DSG4: variants seen among roughly 807,000 people sequenced by gnomAD.
The protein encoded by DSG4 is desmoglein-4.
In DSG4, 87 loss-of-function variants were observed where a neutral mutation model predicts 93.1. The ratio of observed to expected loss-of-function variants is 0.93; its 90% confidence interval spans 0.79 to 1.12. DSG4 has a LOEUF of 1.12. Among genes scored for constraint, DSG4 ranks in the 50% most tolerant of loss-of-function variants. DSG4 has a pLI of 0.00. For synonymous variants in DSG4, 432 were observed against 452.9 expected (o/e 0.95, Z 0.59); for missense variants, 1,373 against 1,285.7 (o/e 1.07, Z -1.04).
At chr18:31,397,006 C>A (rs1301120829) in intron 8 of DSG4, among the ~76,000 whole-genome samples, 1 of 152,136 alleles carries the variant, frequency 6.6e-6, no homozygotes, top group Non-Finnish European at 1.5e-5. Flanking sequence ...TTTCCCCAGT[C>A]CCCTGCTGTT....
chr18:31,400,513 A>G (rs575028319), intron 9 of DSG4, among the ~76,000 whole-genome samples: 84 of 152,256 alleles, frequency 5.5e-4, no homozygotes, highest in Admixed American at 1.7e-3. Context: ...AAAAGCCACA[A>G]AAAAAATCCT....
intron 12 of DSG4, 79 bp from the exon 13 acceptor site, chr18:31,409,373 G>A: frequency 6.2e-7 from 1 of 1,603,570 alleles, no homozygotes; most frequent in East Asian, 2.2e-5. Context: ...GCCACCAAAT[G>A]CTCCCCAGAA....
chr18:31,377,693 T>G (rs1299153302), intron 1 of DSG4, among the ~76,000 whole-genome samples: 1 of 152,180 alleles, frequency 6.6e-6, no homozygotes, highest in Non-Finnish European at 1.5e-5. Context: ...TAGAAAGAGA[T>G]AATTCCAACT....
At chr18:31,396,401 T>C (rs905381204) in intron 8 of DSG4, among the ~76,000 whole-genome samples, 40 of 142,326 alleles carry the variant, frequency 2.8e-4, no homozygotes, top group Non-Finnish European at 1.2e-4. Flanking sequence ...TCTCACTCTG[T>C]CACTCAGGCT....
chr18:31,406,419 G>T, intron 12 of DSG4, 46 bp downstream of exon 12: 1 of 1,611,550 alleles, frequency 6.2e-7, no homozygotes, highest in South Asian at 1.1e-5. Context: ...CTTCAAAATA[G>T]GGCTGTTACG....
rs573012888 is a variant in DSG4 at position 31,397,957 on chromosome 18, G to A, written c.1006-1315G>A. 9.6e-4 allele frequency among the ~76,000 whole-genome samples: 145 copies of A among 150,470 alleles called. 1 individual carries two copies. The highest frequency in any genetic ancestry group is 3.3e-3 in the African/African-American group (135 of 40,816). On this transcript the variant is annotated intron_variant, in intron 8 of 15. Transcript: ENST00000308128. Reference sequence around the variant, plus strand: ...CAGGAGAATTGCTTGAATCCAGGAGGCAGAGGTTGCAATGAGCTGAGATTG... The same window carrying A: ...CAGGAGAATTGCTTGAATCCAGGAGACAGAGGTTGCAATGAGCTGAGATTG...
intron 1 of DSG4, among the ~76,000 whole-genome samples, chr18:31,384,582 A>G (rs1474029004): frequency 6.6e-6 from 1 of 152,218 alleles, no homozygotes; most frequent in Non-Finnish European, 1.5e-5. Flanking sequence ...CAACTGACAA[A>G]GAACTTATTC....
intron 12 of DSG4, among the ~76,000 whole-genome samples, chr18:31,408,221 C>A (rs898112319): frequency 6.6e-6 from 1 of 152,116 alleles, no homozygotes; most frequent in African/African-American, 2.4e-5. Flanking sequence ...GATGTTAGCT[C>A]CAAATGAGAT....
chr18:31,389,846 G>C (rs148511161), intron 5 of DSG4, among the ~76,000 whole-genome samples: 8 of 152,198 alleles, frequency 5.3e-5, no homozygotes, highest in African/African-American at 1.4e-4. Context: ...CTCCCATAGA[G>C]AGGCAAAGAG....
Position 31,399,334 on chromosome 18 carries a change from T to C in DSG4, c.1068T>C (p.Asp356=). 6.2e-7 allele frequency: 1 copy of C among 1,614,052 alleles called. No individual in the cohort carries two copies. The highest frequency in any genetic ancestry group is 1.1e-5 in the South Asian group (1 of 91,088). The change falls in exon 9 of 16, where the codon GAT becomes GAC. Residue 356 remains aspartate (D), a synonymous_variant. Coordinates refer to ENST00000308128, the MANE Select transcript of DSG4 (RefSeq NM_177986.5). ...GTATCGGAGTTAAAAACCAAGCTGA[T>C]TTTCACTACTCCGTTGCTTCTCAAT... is the stretch of plus-strand genomic sequence containing the variant. ...QLSIGVKNQA[D]FHYSVASQFQ...
intron 12 of DSG4, among the ~76,000 whole-genome samples, chr18:31,406,606 C>T (rs2072430470): frequency 6.6e-6 from 1 of 152,046 alleles, no homozygotes; most frequent in African/African-American, 2.4e-5. Context: ...ATGCAAATCA[C>T]TACATATACT....
Position 31,409,505 on chromosome 18 carries a change from C to A in DSG4, c.1987C>A (p.Leu663Met). ...CTGCAAACAGAGACAGCCAGAAGGC[C>A]TGGGAACAAGATTTGCTCCTGTGCC... is the stretch of plus-strand genomic sequence containing the variant. ...CCCKQRQPEG[L>M]GTRFAPVPEG... Residue 663 changes from leucine (L) to methionine (M), a missense_variant, in exon 13 of 16, where the codon CTG (leucine) becomes ATG (methionine). Leu to Met is a conservative substitution (Grantham distance 15, BLOSUM62 2). Coordinates refer to ENST00000308128, the MANE Select transcript of DSG4 (RefSeq NM_177986.5). The A allele has an allele frequency of 1.9e-6, 3 of 1,614,170 alleles. No homozygotes were observed. Among genetic ancestry groups the A allele is most frequent in the South Asian group, 1.1e-5 (1 of 91,082 alleles).
chr18:31,386,857 A>G (rs918064884), intron 3 of DSG4, 38 bp downstream of exon 3: 12 of 1,611,492 alleles, frequency 7.4e-6, no homozygotes, highest in Non-Finnish European at 1.0e-5. Flanking sequence ...ATGCTTTTGC[A>G]GAGCAGGGAA....
intron 8 of DSG4, among the ~76,000 whole-genome samples, chr18:31,393,549 C>T (rs775315706): frequency 9.2e-5 from 14 of 152,208 alleles, no homozygotes; most frequent in Middle Eastern, 6.8e-3. Context: ...CCAGATCTCG[C>T]AAAAACTCAT....
rs975591152 is a variant in DSG4 at position 31,413,868 on chromosome 18, A to G, written c.*273A>G. On this transcript the variant is annotated 3_prime_UTR_variant, in exon 16 of 16. Transcript: ENST00000308128. ...CTTGATACTGTCTAACGAATAGCAC[A>G]TAACTCATATTGTGAATCCTATGGG... 78 of 381,412 alleles carry G rather than the reference A, an allele frequency of 2.0e-4. 1 individual carries two copies. The highest frequency in any genetic ancestry group is 1.1e-4 in the Admixed American group (3 of 26,446). The allele number at this position is 381,412 out of a possible 1,614,324, so 23.6% of individuals were successfully genotyped here.
intron 5 of DSG4, 107 bp downstream of exon 5, chr18:31,389,125 A>G: frequency 7.6e-7 from 1 of 1,313,862 alleles, no homozygotes. Context: ...AAAAAGCCAC[A>G]CTTGTATTTT....
chr18:31,381,927 C>A (rs1272483594), intron 1 of DSG4, among the ~76,000 whole-genome samples: 2 of 152,088 alleles, frequency 1.3e-5, no homozygotes, highest in East Asian at 3.9e-4. Flanking sequence ...CATCAGCCTC[C>A]CAAAGTGCTG....
chr18:31,385,103 T>C lies in DSG4; in HGVS notation c.49-33T>C. 3 of 1,587,786 alleles carry C rather than the reference T, an allele frequency of 1.9e-6. No homozygotes were observed. In the South Asian group the frequency reaches 3.4e-5, roughly 18 times the overall value. ...CATGGCTTCCTCTAAATTATGCAAA[T>C]TTATGCTAATGTGGTATCTTCTATC... On this transcript the variant is annotated intron_variant, in intron 1 of 15. Coordinates refer to ENST00000308128, the MANE Select transcript of DSG4 (RefSeq NM_177986.5).
intron 1 of DSG4, among the ~76,000 whole-genome samples, chr18:31,378,928 G>T (rs1000492565): frequency 7.2e-5 from 11 of 152,002 alleles, no homozygotes; most frequent in Admixed American, 7.2e-4. Context: ...GACTCTCTGG[G>T]GCATCATTGC....
Sources: gnomAD v4.1 joint callset for allele counts (sites outside exome capture counted in the v4.1 genomes callset) on GRCh38, gnomAD v4.1.1 for gene constraint, MANE v1.5 for transcripts, NCBI Gene and HGNC (gene_info 2026-07-23, HGNC 2026-07-21) for gene names.